The following SEMA4D variants were observed in gnomAD, a reference collection of about 807,000 sequenced individuals.
SEMA4D encodes the protein semaphorin 4D, also known as semaphorin-4D.
In SEMA4D, 22 loss-of-function variants were observed where a neutral mutation model predicts 74.8. The ratio of observed to expected loss-of-function variants is 0.29; its 90% CI spans 0.21 to 0.42. The LOEUF is 0.42. Ranked by LOEUF, SEMA4D falls within the 10% of genes least tolerant of loss-of-function variation. The pLI is 1.00. For missense variants in SEMA4D, 937 were observed against 1,118.4 expected, an observed-to-expected ratio of 0.84 and a Z score of 2.31; for synonymous variants, 445 against 463.7, an observed-to-expected ratio of 0.96 and a Z score of 0.52.
chr9:89,362,765 C>T (rs1366928801), intron 18 of SEMA4D, among the ~76,000 whole-genome samples: 2 of 152,240 alleles, frequency 1.3e-5, no homozygotes, highest in African/African-American at 4.8e-5. Context: ...TGCTGGCAGC[C>T]ACGTAACCCA....
intron 2 of SEMA4D, among the ~76,000 whole-genome samples, chr9:89,419,014 G>A (rs1195338123): frequency 6.2e-5 from 8 of 128,564 alleles, no homozygotes; most frequent in African/African-American, 1.7e-4. Context: ...CTCACTGGAC[G>A]GCTCCCTCCT....
intron 2 of SEMA4D, among the ~76,000 whole-genome samples, chr9:89,453,566 G>C (rs1375594251): frequency 1.3e-5 from 2 of 152,244 alleles, no homozygotes; most frequent in East Asian, 3.8e-4. Flanking sequence ...CAGGCCTGCA[G>C]TAGAGACCCC....
At chr9:89,482,470 G>A (rs557362313) in intron 1 of SEMA4D, among the ~76,000 whole-genome samples, 2 of 152,266 alleles carry the variant, frequency 1.3e-5, no homozygotes, top group Admixed American at 1.3e-4. Context: ...GCAGCAGAAG[G>A]CCCCGCAAAG....
downstream of SEMA4D, chr9:89,377,021 C>T: frequency 6.5e-7 from 1 of 1,541,468 alleles, no homozygotes; most frequent in South Asian, 1.2e-5. Flanking sequence ...GGAAGAGGAG[C>T]CAGGAGGAGG....
intron 1 of SEMA4D, among the ~76,000 whole-genome samples, chr9:89,466,701 C>A (rs1198421043): frequency 6.6e-6 from 1 of 152,220 alleles, no homozygotes; most frequent in African/African-American, 2.4e-5. Context: ...TTACCCAAAC[C>A]CAGCACATGG....
chr9:89,479,742 C>T (rs1444511280), intron 1 of SEMA4D: 29 of 154,260 alleles, frequency 1.9e-4, no homozygotes, highest in Non-Finnish European at 3.3e-4. Flanking sequence ...CCGGTGGGCT[C>T]GTGGTCTCGC....
rs536564147 is a variant in SEMA4D at position 89,419,008 on chromosome 9, C to T, written c.-243-13309G>A. ...CCGTCCCTCCCACCCAGGCCCCTCA[C>T]TGGACGGCTCCCTCCTCTACAGACG... On this transcript the variant is annotated intron_variant, in intron 2 of 15. Coordinates refer to ENST00000422704, the MANE Select transcript of SEMA4D (RefSeq NM_001371194.2). 3.8e-3 allele frequency among the ~76,000 whole-genome samples: 566 copies of T among 150,238 alleles called. 4 individuals are homozygous for T. The highest frequency in any genetic ancestry group is 0.013 in the African/African-American group (536 of 41,020).
intron 2 of SEMA4D, among the ~76,000 whole-genome samples, chr9:89,433,267 A>G (rs1177880923): frequency 6.6e-6 from 1 of 151,400 alleles, no homozygotes; most frequent in African/African-American, 2.4e-5. Context: ...GTGCAACTGC[A>G]GAGACAGCAG....
At chr9:89,377,227 T>C, downstream of SEMA4D, 1 of 893,106 alleles carries the variant, frequency 1.1e-6, no homozygotes, top group East Asian at 2.9e-5. Context: ...AGGAATGTCT[T>C]CCCCAAATCA....
intron 3 of SEMA4D, among the ~76,000 whole-genome samples, chr9:89,404,194 A>G (rs1222790533): frequency 6.6e-6 from 1 of 152,246 alleles, no homozygotes; most frequent in African/African-American, 2.4e-5. Context: ...AAAGGAAAGT[A>G]GCTGGCATGA....
intron 2 of SEMA4D, chr9:89,418,596 G>T: frequency 4.8e-6 from 1 of 208,308 alleles, no homozygotes; most frequent in Non-Finnish European, 8.4e-6. Flanking sequence ...TGGATGGCTG[G>T]TTTTCAGCCA....
At chr9:89,425,793 A>T (rs1847970180) in intron 2 of SEMA4D, among the ~76,000 whole-genome samples, 1 of 152,216 alleles carries the variant, frequency 6.6e-6, no homozygotes, top group Non-Finnish European at 1.5e-5. Context: ...AGCCACTGGG[A>T]GAGGTGAGAT....
At chr9:89,423,772 T>C (rs1440064316) in intron 2 of SEMA4D, among the ~76,000 whole-genome samples, 2 of 125,374 alleles carry the variant, frequency 1.6e-5, no homozygotes, top group Non-Finnish European at 3.4e-5. Flanking sequence ...CTCCCCTCCC[T>C]CAGCTACTCC....
intron 2 of SEMA4D, among the ~76,000 whole-genome samples, chr9:89,423,704 C>T (rs917278431): frequency 2.0e-5 from 3 of 151,882 alleles, no homozygotes; most frequent in African/African-American, 7.3e-5. Context: ...TCCTTAGCAC[C>T]TCCCCTCCCT....
chr9:89,497,618 G>A (rs981162831), intron 1 of SEMA4D, among the ~76,000 whole-genome samples: 16 of 151,678 alleles, frequency 1.1e-4, no homozygotes, highest in Non-Finnish European at 1.9e-4. Context: ...GCAGGGACTG[G>A]GGAGGCAACC....
chr9:89,375,968 A>G (rs1835734614), downstream of SEMA4D, among the ~76,000 whole-genome samples: 1 of 151,980 alleles, frequency 6.6e-6, no homozygotes. Flanking sequence ...GGCTCAAACA[A>G]TCCTCAAGGC....
chr9:89,459,170 G>A (rs371195914), intron 1 of SEMA4D, among the ~76,000 whole-genome samples: 203 of 152,284 alleles, frequency 1.3e-3, no homozygotes, highest in Middle Eastern at 0.01. Flanking sequence ...CTCATACTGC[G>A]GCCTGCAGCA....
chr9:89,363,619 A>G lies in SEMA4D; in HGVS notation c.2093-92T>C. 5 of 1,595,434 alleles carry G rather than the reference A, an allele frequency of 3.1e-6. No individual in the cohort carries two copies. The South Asian group carries it at 4.4e-5, about 14-fold the overall frequency. On this transcript the variant is annotated intron_variant, in intron 17 of 18. Coordinates refer to the SEMA4D transcript ENST00000339861. ...GGCCACCTTTCTCAATGGAAAGCCA[A>G]TAAAACCCAAACCCAGAATGCCACC...
At position 89,497,977 on chromosome 9, in the gene SEMA4D, T is replaced by TGGCGGCGGCGGCGGC. The variant is rs550742614; in HGVS notation, c.-383_-369dup. 4.1e-5 allele frequency: 6 copies of TGGCGGCGGCGGCGGC among 145,540 alleles called. No homozygotes were observed. In the East Asian group the frequency reaches 6.2e-4, roughly 15 times the overall value. The allele number at this position is 145,540 out of a possible 1,614,324, so 9.0% of individuals were successfully genotyped here. ...GCCGGGCGAGTTCGGGCGCCAGGAATGGCGGCGGCGGCGGCGGCGGCAGCG... is the reference window on the plus strand; with the variant it reads ...GCCGGGCGAGTTCGGGCGCCAGGAATGGCGGCGGCGGCGGCGGCGGCGGCGGCGGCGGCGGCAGCG... On this transcript the variant is annotated 5_prime_UTR_variant, in exon 1 of 16. Coordinates refer to ENST00000422704, the MANE Select transcript of SEMA4D (RefSeq NM_001371194.2).
Sources: allele counts gnomAD v4.1 joint callset (sites outside exome capture counted in the v4.1 genomes callset), GRCh38; gene constraint gnomAD v4.1.1; transcripts MANE v1.5; gene names NCBI Gene and HGNC (gene_info 2026-07-23, HGNC 2026-07-21).